The following PEX26 variants were observed in gnomAD, a reference collection of about 807,000 sequenced individuals.
The protein encoded by PEX26 is peroxisomal biogenesis factor 26.
PEX26 carries 18 observed loss-of-function variants against 31.4 expected under a neutral mutation model. The observed-to-expected ratio is 0.57, with a 90% CI of 0.40 to 0.85. The LOEUF is 0.85. Among genes scored for constraint, PEX26 ranks in the 40% least tolerant of loss-of-function variants. The pLI is 0.00. For synonymous variants in PEX26, 176 were observed against 166.9 expected, an observed-to-expected ratio of 1.05 and a Z score of -0.42; for missense variants, 377 against 383.9, an observed-to-expected ratio of 0.98 and a Z score of 0.15.
At position 18,095,344 on chromosome 22, in the gene PEX26, G is replaced by A. The variant is rs542575455; in HGVS notation, c.*7269G>A. 6.6e-6 allele frequency: 1 copy of A among 152,202 alleles called. No homozygotes were observed. Among genetic ancestry groups the A allele is most frequent in the African/African-American group, 2.4e-5 (1 of 41,452 alleles). The allele number at this position is 152,202 out of a possible 1,614,324, so 9.4% of individuals were successfully genotyped here. ...TAAATACAAGCTGGTAGTTTCATTG[G>A]ATGACTCACACAGATAAGCCATGCT... On this transcript the variant is annotated 3_prime_UTR_variant, in exon 5 of 5. Coordinates refer to ENST00000399744, the MANE Select transcript of PEX26 (RefSeq NM_001127649.3).
intron 1 of PEX26, chr22:18,078,811 CCCACAG>C (rs1420413809): frequency 1.4e-6 from 1 of 702,924 alleles, no homozygotes; most frequent in African/African-American, 1.7e-5. Flanking sequence ...TAGTGGGGAT[CCCACAG>C]CCAATTATTT....
intron 4 of PEX26, 72 bp downstream of exon 4, chr22:18,085,330 G>T: frequency 6.6e-7 from 1 of 1,504,184 alleles, no homozygotes; most frequent in Non-Finnish European, 9.2e-7. Context: ...GTGGGAGTGG[G>T]TGTTTGTCAG....
rs915799928 is a variant in PEX26 at position 18,102,868 on chromosome 22, G to A, written c.*14793G>A. On this transcript the variant is annotated 3_prime_UTR_variant, in exon 5 of 5. Coordinates refer to ENST00000399744, the MANE Select transcript of PEX26 (RefSeq NM_001127649.3). ...TAGGAGGCTGAGGCGGGCGAATCACGAGGTCAGGAGTTCGAGACCAGCCTG... is the reference window on the plus strand; with the variant it reads ...TAGGAGGCTGAGGCGGGCGAATCACAAGGTCAGGAGTTCGAGACCAGCCTG... The A allele has an allele frequency of 2.0e-5, 3 of 152,000 alleles. No homozygotes were observed. Among genetic ancestry groups the A allele is most frequent in the Non-Finnish European group, 4.4e-5 (3 of 67,984 alleles). The allele number at this position is 152,000 out of a possible 1,614,324, so 9.4% of individuals were successfully genotyped here. A position where few individuals can be genotyped will look rare whatever the true frequency, so the allele number is the denominator to read the frequency against.
chr22:18,081,790 TTC>T (rs1926622768), intron 2 of PEX26: 1 of 154,054 alleles, frequency 6.5e-6, no homozygotes, highest in African/African-American at 2.4e-5. Context: ...GGAACCTGCA[TTC>T]TGTTTTCCAT....
At position 18,082,324 on chromosome 22, in the gene PEX26, C is replaced by A. The variant is rs116194631; in HGVS notation, c.372-1113C>A. Among the ~76,000 whole-genome samples, 840 of 152,194 alleles carry A rather than the reference C, an allele frequency of 5.5e-3. 7 individuals are homozygous for A. Among genetic ancestry groups the A allele is most frequent in the African/African-American group, 0.019 (803 of 41,506 alleles). On this transcript the variant is annotated intron_variant, in intron 2 of 4. Transcript: ENST00000399744. ...TGAGGCATTTCTCCTGTGCTTTCTTCTAGTAGTTTCATGGTTTTGGATTTT... is the reference window on the plus strand; with the variant it reads ...TGAGGCATTTCTCCTGTGCTTTCTTATAGTAGTTTCATGGTTTTGGATTTT...
chr22:18,088,596 TGG>T lies in PEX26; in HGVS notation c.*522_*523del, dbSNP rs1926945922. The T allele has an allele frequency of 1.8e-5, 4 of 223,110 alleles. No homozygotes were observed. The highest frequency in any genetic ancestry group is 9.1e-5 in the African/African-American group (4 of 43,988). The allele number at this position is 223,110 out of a possible 1,614,324, so 13.8% of individuals were successfully genotyped here. A position where few individuals can be genotyped will look rare whatever the true frequency, so the allele number is the denominator to read the frequency against. On this transcript the variant is annotated 3_prime_UTR_variant, in exon 5 of 5. Coordinates refer to ENST00000399744, the MANE Select transcript of PEX26 (RefSeq NM_001127649.3). The surrounding 1 kb of genome is among the most constrained non-coding windows in gnomAD (Gnocchi z 4.1). ...GAGTTCAAAACCTGCCTGGCCAACA[TGG>T]TGAAACCCCATCTCTACTAAAAATA...
At chr22:18,078,798 A>G (rs1255234438) in intron 1 of PEX26, 192 bp downstream of exon 1, 1 of 709,628 alleles carries the variant, frequency 1.4e-6, no homozygotes, top group African/African-American at 1.7e-5. Context: ...TGTAACAAAA[A>G]CTTAGTGGGG....
rs1352928504 is a variant in PEX26 at position 18,100,987 on chromosome 22, C to A, written c.*12912C>A. 1 of 152,194 alleles carries A rather than the reference C, an allele frequency of 6.6e-6. No individual in the cohort carries two copies. The highest frequency in any genetic ancestry group is 2.4e-5 in the African/African-American group (1 of 41,454). The allele number at this position is 152,194 out of a possible 1,614,324, so 9.4% of individuals were successfully genotyped here. A position where few individuals can be genotyped will look rare whatever the true frequency, so the allele number is the denominator to read the frequency against. On this transcript the variant is annotated 3_prime_UTR_variant, in exon 5 of 5. Transcript: ENST00000399744. ...ACAACAGGAATGAATGCCGACTTAG[C>A]ATTTTTGCCTTCACAGCGCTGGCAA...
Position 18,099,381 on chromosome 22 carries a change from G to A in PEX26, c.*11306G>A, listed in dbSNP as rs965132821. The A allele has an allele frequency of 4.6e-5, 7 of 152,154 alleles. No homozygotes were observed. The highest frequency in any genetic ancestry group is 1.3e-4 in the Admixed American group (2 of 15,268). The allele number at this position is 152,154 out of a possible 1,614,324, so 9.4% of individuals were successfully genotyped here. ...GATGACTGGACCTCTTTCCAGGTTC[G>A]TGTTAACAGTCCATACTACTTATGG... On this transcript the variant is annotated 3_prime_UTR_variant, in exon 5 of 5. Coordinates refer to ENST00000399744, the MANE Select transcript of PEX26 (RefSeq NM_001127649.3).
intron 4 of PEX26, 74 bp downstream of exon 4, chr22:18,085,332 G>A (rs1383535549): frequency 2.2e-5 from 32 of 1,456,484 alleles, no homozygotes; most frequent in Non-Finnish European, 2.1e-5. Context: ...GGGAGTGGGT[G>A]TTTGTCAGAG....
rs1310852358 is a variant in PEX26, at chr22:18,092,886, A to G, written c.*4811A>G. On this transcript the variant is annotated 3_prime_UTR_variant, in exon 5 of 5. Transcript: ENST00000399744. ...CAATTTTAAACAAGAAAAAAACAAA[A>G]AGTTTACAAAAGAAAAAAAGATACA... The G allele has an allele frequency of 1.3e-5, 2 of 152,016 alleles. No individual in the cohort carries two copies. The highest frequency in any genetic ancestry group is 2.9e-5 in the Non-Finnish European group (2 of 68,002). The allele number at this position is 152,016 out of a possible 1,614,324, so 9.4% of individuals were successfully genotyped here. A position where few individuals can be genotyped will look rare whatever the true frequency, so the allele number is the denominator to read the frequency against.
chr22:18,085,925 G>A (rs1038097319), intron 4 of PEX26, among the ~76,000 whole-genome samples: 1 of 152,042 alleles, frequency 6.6e-6, no homozygotes, highest in Non-Finnish European at 1.5e-5. Flanking sequence ...ATCTACAAAA[G>A]TGTTAATTCA....
chr22:18,091,843 T>A lies in PEX26; in HGVS notation c.*3768T>A, dbSNP rs1474081716. ...GCCCCAAGTTTAGGGTGAGCAGCAG[T>A]GGTCAGAGCTCTTTACTATTACTTT... On this transcript the variant is annotated 3_prime_UTR_variant, in exon 5 of 5. Transcript: ENST00000399744. The A allele has an allele frequency of 6.6e-6, 1 of 152,202 alleles. No homozygotes were observed. The highest frequency in any genetic ancestry group is 1.5e-5 in the Non-Finnish European group (1 of 68,080). 9.4% of individuals were successfully genotyped at this position (152,202 alleles called of 1,614,324 possible). A position where few individuals can be genotyped will look rare whatever the true frequency, so the allele number is the denominator to read the frequency against.
rs1926791398 is a variant in PEX26 at position 18,085,173 on chromosome 22, G to GCCA, written c.729_730insCCA (p.Ala243_Val244insPro). 1 of 1,613,978 alleles carries GCCA rather than the reference G, an allele frequency of 6.2e-7. No individual in the cohort carries two copies. The highest frequency in any genetic ancestry group is 2.2e-5 in the East Asian group (1 of 44,888). On this transcript the variant is annotated inframe_insertion, in exon 4 of 5. Transcript: ENST00000399744. Reference sequence around the variant, plus strand: ...TGGTTCGCCAGCTTTGGGACTCTGCGGTGAGCCACTTCTTTTCTCTGCCCT... The same window carrying GCCA: ...TGGTTCGCCAGCTTTGGGACTCTGCGCCAGTGAGCCACTTCTTTTCTCTGCCCT...
rs1927573067 is a variant in PEX26, at chr22:18,104,955, AGGTACTTGG to A, written c.*16883_*16891del. Reference sequence around the variant, plus strand: ...TGAGACACATGGGTGAATGTATGTAAGGTACTTGGGGCTAACCAAAGTTAAATACATATG... The same window carrying A: ...TGAGACACATGGGTGAATGTATGTAAGGCTAACCAAAGTTAAATACATATG... On this transcript the variant is annotated 3_prime_UTR_variant, in exon 5 of 5. Transcript: ENST00000399744. 6.6e-6 allele frequency: 1 copy of A among 152,222 alleles called. No individual in the cohort carries two copies. Among genetic ancestry groups the A allele is most frequent in the Non-Finnish European group, 1.5e-5 (1 of 68,050 alleles). 9.4% of individuals were successfully genotyped at this position (152,222 alleles called of 1,614,324 possible). A position where few individuals can be genotyped will look rare whatever the true frequency, so the allele number is the denominator to read the frequency against.
rs997284046 is a variant in PEX26, at chr22:18,093,116, T to C, written c.*5041T>C. ...AAGAGCAAAGCAGGAGTTTGTTTTTTCTTTGTGCAGATACATACAGAGACT... is the reference window on the plus strand; with the variant it reads ...AAGAGCAAAGCAGGAGTTTGTTTTTCCTTTGTGCAGATACATACAGAGACT... On this transcript the variant is annotated 3_prime_UTR_variant, in exon 5 of 5. Coordinates refer to ENST00000399744, the MANE Select transcript of PEX26 (RefSeq NM_001127649.3). The C allele has an allele frequency of 6.6e-6, 1 of 152,164 alleles. No homozygotes were observed. The highest frequency in any genetic ancestry group is 1.9e-4 in the East Asian group (1 of 5,194). 9.4% of individuals were successfully genotyped at this position (152,164 alleles called of 1,614,324 possible).
rs934644489 is a variant in PEX26, at chr22:18,103,139, G to A, written c.*15064G>A. ...GCATGTAAAAGTTAATCTCATGGAG[G>A]TAGAGAGTAGAATGACAATTACTAG... is the stretch of plus-strand genomic sequence containing the variant. On this transcript the variant is annotated 3_prime_UTR_variant, in exon 5 of 5. Transcript: ENST00000399744. 1.3e-5 allele frequency: 2 copies of A among 150,930 alleles called. No homozygotes were observed. The highest frequency in any genetic ancestry group is 4.9e-5 in the African/African-American group (2 of 40,898). 9.3% of individuals were successfully genotyped at this position (150,930 alleles called of 1,614,324 possible).
rs768233800 is a variant in PEX26 at position 18,083,712 on chromosome 22, C to A, written c.647C>A (p.Ala216Asp). The change falls in exon 3 of 5, where the codon GCC (alanine) becomes GAC (aspartate). Residue 216 changes from alanine to aspartate, a missense_variant. By Grantham distance (126) the Ala-to-Asp change is moderately radical. Coordinates refer to ENST00000399744, the MANE Select transcript of PEX26 (RefSeq NM_001127649.3). ...CAGGAACACTCAGGCTCTGAGGAGG[C>A]CCAGAAGCCAAACCTGGAAGGTAGG... ...QKQEHSGSEEAQKPNLEGSVS... is the reference protein window; with the variant it reads ...QKQEHSGSEEDQKPNLEGSVS... 2 of 1,613,962 alleles carry A rather than the reference C, an allele frequency of 1.2e-6. No individual in the cohort carries two copies. Among genetic ancestry groups the A allele is most frequent in the Non-Finnish European group, 8.5e-7 (1 of 1,180,026 alleles).
Position 18,083,619 on chromosome 22 carries a change from C to T in PEX26, c.554C>T (p.Ala185Val), listed in dbSNP as rs370147115. ...SEAEELVVGS[A>V]AFGEERRLDV... Reference sequence around the variant, plus strand: ...GCTGAGGAGCTAGTGGTGGGCTCTGCAGCCTTTGGTGAGGAGCGGCGACTG... The same window carrying T: ...GCTGAGGAGCTAGTGGTGGGCTCTGTAGCCTTTGGTGAGGAGCGGCGACTG... Residue 185 changes from alanine to valine, a missense_variant, in exon 3 of 5, where the codon GCA becomes GTA. Coordinates refer to ENST00000399744, the MANE Select transcript of PEX26 (RefSeq NM_001127649.3). 104 of 1,613,948 alleles carry T rather than the reference C, an allele frequency of 6.4e-5. No homozygotes were observed. Among genetic ancestry groups the T allele is most frequent in the Non-Finnish European group, 8.0e-5 (94 of 1,180,008 alleles).
Sources: gnomAD v4.1 joint callset for allele counts (sites outside exome capture counted in the v4.1 genomes callset) on GRCh38, gnomAD v4.1.1 for gene constraint, Gnocchi (gnomAD v3.1) non-coding constraint, MANE v1.5 for transcripts, NCBI Gene and HGNC (gene_info 2026-07-23, HGNC 2026-07-21) for gene names.